PACS1: variants seen among roughly 807,000 people sequenced by gnomAD.
PACS1 encodes PACS-1.
In PACS1, 24 loss-of-function variants were observed where a neutral mutation model predicts 115.0. The ratio of observed to expected loss-of-function variants is 0.21; its 90% confidence interval spans 0.15 to 0.29. The LOEUF is 0.29. Among genes scored for constraint, PACS1 ranks in the 10% least tolerant of loss-of-function variants. The pLI is 1.00. For missense variants in PACS1, 838 were observed against 1,251.2 expected (o/e 0.67, Z 4.98); for synonymous variants, 453 against 504.5 (o/e 0.90, Z 1.37).
rs1354869734 is a variant in PACS1 at position 66,243,232 on chromosome 11, T to C, written c.2844T>C (p.His948=). 1 of 1,612,828 alleles carries C rather than the reference T, an allele frequency of 6.2e-7. No homozygotes were observed. Among genetic ancestry groups the C allele is most frequent in the South Asian group, 1.1e-5 (1 of 90,828 alleles). The change falls in exon 24 of 24, where the codon CAT becomes CAC. Residue 948 remains histidine (H), a synonymous_variant. Transcript: ENST00000320580. Reference sequence around the variant, plus strand: ...AGCTGGCAGCCCAGTGGCCCACCCATGTCAAGCACTTTCCAGTGGGACTCT... The same window carrying C: ...AGCTGGCAGCCCAGTGGCCCACCCACGTCAAGCACTTTCCAGTGGGACTCT... ...FFQLAAQWPT[H]VKHFPVGLFS... is the part of the protein sequence containing the mutation.
intron 1 of PACS1, among the ~76,000 whole-genome samples, chr11:66,127,395 A>G (rs1858604848): frequency 6.6e-6 from 1 of 152,144 alleles, no homozygotes; most frequent in Non-Finnish European, 1.5e-5. Context: ...CTCTGGAGGA[A>G]AGTGGAGAAG....
Position 66,236,057 on chromosome 11 carries a change from T to A in PACS1, c.2250+117T>A. The A allele has an allele frequency of 9.8e-7, 1 of 1,017,592 alleles. No individual in the cohort carries two copies. The highest frequency in any genetic ancestry group is 1.7e-5 in the Admixed American group (1 of 58,712). 63.0% of individuals were successfully genotyped at this position (1,017,592 alleles called of 1,614,324 possible). A position where few individuals can be genotyped will look rare whatever the true frequency, so the allele number is the denominator to read the frequency against. Reference sequence around the variant, plus strand: ...CAGTGGTTCTCCAGACACTGGAGATTTTGCCTCCAGGGACTACCTGGCAGT... The same window carrying A: ...CAGTGGTTCTCCAGACACTGGAGATATTGCCTCCAGGGACTACCTGGCAGT... On this transcript the variant is annotated intron_variant, in intron 19 of 23. Transcript: ENST00000320580. This position sits in a 1 kb window ranked among gnomAD's most constrained non-coding sequence, Gnocchi z 4.2.
At chr11:66,153,945 A>G (rs976949796) in intron 1 of PACS1, among the ~76,000 whole-genome samples, 3 of 152,226 alleles carry the variant, frequency 2.0e-5, no homozygotes, top group African/African-American at 7.2e-5. Flanking sequence ...ACACAGGTTA[A>G]AAGTGAAAGG....
chr11:66,111,711 G>A (rs192424465), intron 1 of PACS1, among the ~76,000 whole-genome samples: 2 of 152,232 alleles, frequency 1.3e-5, no homozygotes, highest in South Asian at 2.1e-4. Flanking sequence ...GTGCAGTAGC[G>A]TGATCTCTGC....
intron 1 of PACS1, among the ~76,000 whole-genome samples, chr11:66,091,099 T>A (rs1428865621): frequency 1.3e-5 from 2 of 152,206 alleles, no homozygotes; most frequent in Non-Finnish European, 2.9e-5. Flanking sequence ...TGTTTTTGTT[T>A]CATTTGAAGT....
chr11:66,243,365 C>G lies in PACS1; in HGVS notation c.*85C>G, dbSNP rs1855855213. 14 of 874,814 alleles carry G rather than the reference C, an allele frequency of 1.6e-5. No individual in the cohort carries two copies. Among genetic ancestry groups the G allele is most frequent in the Non-Finnish European group, 2.3e-5 (13 of 555,158 alleles). 54.2% of individuals were successfully genotyped at this position (874,814 alleles called of 1,614,324 possible). A position where few individuals can be genotyped will look rare whatever the true frequency, so the allele number is the denominator to read the frequency against. On this transcript the variant is annotated 3_prime_UTR_variant, in exon 24 of 24. Coordinates refer to ENST00000320580, the MANE Select transcript of PACS1 (RefSeq NM_018026.4). ...CAGGGGGAGGCCAGCAGGCCCGGGC[C>G]CAGCACCCCTTCCCTGGCACCAGGG...
In PACS1 at chr11:66,233,764, G is replaced by A; in HGVS notation, c.1839-21G>A. 1.2e-6 allele frequency: 2 copies of A among 1,609,426 alleles called. No individual in the cohort carries two copies. Among genetic ancestry groups the A allele is most frequent in the East Asian group, 4.5e-5 (2 of 44,864 alleles). ...TCCTGGCACCCCTGAGCACTGCTAT[G>A]ACGCTCCCCTTCCTCCCCAGCTGCA... is the stretch of plus-strand genomic sequence containing the variant. On this transcript the variant is annotated intron_variant, in intron 15 of 23. Transcript: ENST00000320580. This position sits in a 1 kb window ranked among gnomAD's most constrained non-coding sequence, Gnocchi z 4.5.
intron 2 of PACS1, among the ~76,000 whole-genome samples, chr11:66,194,483 G>A (rs1854604850): frequency 1.3e-5 from 2 of 152,154 alleles, no homozygotes; most frequent in African/African-American, 4.8e-5. Flanking sequence ...AATTATAGAA[G>A]GGCTCAGGAA....
chr11:66,191,051 G>A (rs1168501352), intron 1 of PACS1, among the ~76,000 whole-genome samples: 2 of 152,226 alleles, frequency 1.3e-5, no homozygotes, highest in Non-Finnish European at 2.9e-5. Flanking sequence ...CTGCAGGTCA[G>A]AAGTCCAAAA....
chr11:66,177,340 C>T (rs1454762301), intron 1 of PACS1, among the ~76,000 whole-genome samples: 4 of 152,064 alleles, frequency 2.6e-5, no homozygotes, highest in Admixed American at 6.5e-5. Flanking sequence ...TTACACCATG[C>T]GCCACCATGC....
chr11:66,191,232 T>C (rs944750889), intron 1 of PACS1, among the ~76,000 whole-genome samples: 1 of 152,174 alleles, frequency 6.6e-6, no homozygotes, highest in Non-Finnish European at 1.5e-5. Context: ...AGTCCCTGCT[T>C]CCTCCTTTGA....
At chr11:66,098,183 A>C (rs1857830236) in intron 1 of PACS1, among the ~76,000 whole-genome samples, 1 of 152,078 alleles carries the variant, frequency 6.6e-6, no homozygotes, top group African/African-American at 2.4e-5. Context: ...TCTCAAAAAT[A>C]ATAAAAATAA....
At chr11:66,238,952 C>A in intron 20 of PACS1, 106 bp downstream of exon 20, 1 of 1,386,568 alleles carries the variant, frequency 7.2e-7, no homozygotes, top group Non-Finnish European at 1.0e-6. Flanking sequence ...TGAGGGAAGT[C>A]AGAGCTTGAG....
At chr11:66,237,669 C>T (rs774430648) in intron 19 of PACS1, among the ~76,000 whole-genome samples, 4 of 152,176 alleles carry the variant, frequency 2.6e-5, no homozygotes, top group Non-Finnish European at 5.9e-5. Context: ...GACACATCTT[C>T]GTGGAGCTGT....
intron 1 of PACS1, among the ~76,000 whole-genome samples, chr11:66,166,700 G>C (rs1354423686): frequency 6.6e-6 from 1 of 150,496 alleles, no homozygotes; most frequent in Non-Finnish European, 1.5e-5. Flanking sequence ...TTTTGATTGT[G>C]TGAATTTACA....
At chr11:66,075,837 A>G (rs1018565162) in intron 1 of PACS1, among the ~76,000 whole-genome samples, 1 of 147,464 alleles carries the variant, frequency 6.8e-6, no homozygotes, top group African/African-American at 2.5e-5. Context: ...TCCTGGGTTC[A>G]CGCCATTCTC....
chr11:66,148,939 A>G (rs1859179902), intron 1 of PACS1, among the ~76,000 whole-genome samples: 1 of 152,166 alleles, frequency 6.6e-6, no homozygotes, highest in Admixed American at 6.5e-5. Context: ...ACAAAACAAA[A>G]CAAAAAAGAA....
Position 66,230,612 on chromosome 11 carries a change from A to G in PACS1, c.1439A>G (p.Lys480Arg). 9 of 1,614,162 alleles carry G rather than the reference A, an allele frequency of 5.6e-6. No homozygotes were observed. Among genetic ancestry groups the G allele is most frequent in the Non-Finnish European group, 7.6e-6 (9 of 1,180,024 alleles). ...STSLVVPEKV[K>R]TPMKSSKTDL... ...AGTCTGGTTGTGCCGGAGAAAGTCAAAACTCCCATGAAGTCCAGTAAAACG... is the reference window on the plus strand; with the variant it reads ...AGTCTGGTTGTGCCGGAGAAAGTCAGAACTCCCATGAAGTCCAGTAAAACG... Residue 480 changes from lysine (K) to arginine (R), a missense_variant, in exon 12 of 24, where the codon AAA becomes AGA. Around this residue, in one of 6 missense-constraint regions of PACS1, gnomAD observed 383 missense variants for 537.0 expected, o/e 0.71. Transcript: ENST00000320580.
chr11:66,109,904 A>G (rs1349080559), intron 1 of PACS1, among the ~76,000 whole-genome samples: 1 of 152,204 alleles, frequency 6.6e-6, no homozygotes, highest in Non-Finnish European at 1.5e-5. Flanking sequence ...TACTCTGTTT[A>G]TGAAATTACA....
Sources: gnomAD v4.1 joint callset for allele counts (sites outside exome capture counted in the v4.1 genomes callset) on GRCh38, gnomAD v4.1.1 for gene constraint, gnomAD v4.1.1 regional missense constraint, Gnocchi (gnomAD v3.1) non-coding constraint, MANE v1.5 for transcripts, NCBI Gene and HGNC (gene_info 2026-07-23, HGNC 2026-07-21) for gene names.